Variants in SLIT3 observed in about 807,000 individuals in gnomAD.
The protein encoded by SLIT3 is slit homolog 3 protein.
SLIT3 carries 68 observed loss-of-function variants against 184.0 expected under a neutral mutation model. The observed-to-expected ratio is 0.37, with a 90% CI of 0.30 to 0.45. The LOEUF (loss-of-function observed/expected upper bound fraction) is 0.45, where lower values mean the gene tolerates loss of function less well. SLIT3 is among the 20% of genes least tolerant of loss of function. The pLI is 1.00. For missense variants in SLIT3, 1,707 were observed against 2,026.0 expected (o/e 0.84, Z 3.02); for synonymous variants, 831 against 828.6 (o/e 1.00, Z -0.05).
chr5:169,094,559 G>C (rs1207080533), intron 4 of SLIT3, among the ~76,000 whole-genome samples: 1 of 152,216 alleles, frequency 6.6e-6, no homozygotes, highest in Non-Finnish European at 1.5e-5. Flanking sequence ...GAGCCCAGGA[G>C]ATGGAGGTTG....
chr5:168,974,252 C>T (rs1754678799), intron 4 of SLIT3, among the ~76,000 whole-genome samples: 1 of 152,204 alleles, frequency 6.6e-6, no homozygotes. Flanking sequence ...CTGCTTCACA[C>T]TCTACTGAAG....
chr5:168,755,389 ATTTCTTTCTTTCTTTC>A (rs139729506), intron 16 of SLIT3, among the ~76,000 whole-genome samples: 1,795 of 133,744 alleles, frequency 0.013, 66 homozygotes, highest in East Asian at 0.031. Context: ...CAGTGCCGCC[ATTTCTTTCTTTCTTTC>A]TTTCTTTCTT....
At chr5:169,010,308 G>A (rs551838075) in intron 4 of SLIT3, among the ~76,000 whole-genome samples, 3 of 152,220 alleles carry the variant, frequency 2.0e-5, no homozygotes, top group Middle Eastern at 3.4e-3. Context: ...GAGTTAACTT[G>A]CTTGGTTGCT....
chr5:168,843,944 G>A (rs1242144961), intron 6 of SLIT3, among the ~76,000 whole-genome samples: 5 of 152,116 alleles, frequency 3.3e-5, no homozygotes, highest in African/African-American at 1.2e-4. Flanking sequence ...TTTTGGGGAA[G>A]GGGCTGTCTC....
At chr5:168,893,932 C>T (rs535367953) in intron 4 of SLIT3, among the ~76,000 whole-genome samples, 1 of 152,114 alleles carries the variant, frequency 6.6e-6, no homozygotes, top group Non-Finnish European at 1.5e-5. Flanking sequence ...GGGGAGTGTG[C>T]TTCTAACATG....
At chr5:169,288,321 T>C (rs1767226218) in intron 1 of SLIT3, among the ~76,000 whole-genome samples, 1 of 151,674 alleles carries the variant, frequency 6.6e-6, no homozygotes, top group Non-Finnish European at 1.5e-5. Context: ...CTTTCTCAGA[T>C]ACAATTGTTC....
intron 30 of SLIT3, 132 bp downstream of exon 30, chr5:168,686,847 A>G: frequency 1.0e-6 from 1 of 994,486 alleles, no homozygotes; most frequent in Non-Finnish European, 1.5e-6. Flanking sequence ...TCAGGGGAAT[A>G]AAGGCATCAC....
intron 16 of SLIT3, among the ~76,000 whole-genome samples, chr5:168,757,446 T>G (rs1383194685): frequency 6.6e-6 from 1 of 152,228 alleles, no homozygotes; most frequent in African/African-American, 2.4e-5. Context: ...TTGTTTTTGT[T>G]TTTTTGAGAC....
chr5:169,300,693 G>A lies in SLIT3; in HGVS notation c.17C>T (p.Ala6Val), dbSNP rs888234156. MAPGW[A>V]GVGAAVRARL... ...GGCGCGCACGGCGGCGCCGACCCCT[G>A]CCCACCCGGGGGCCATGGTGTGCAG... Residue 6 changes from alanine to valine, a missense_variant, in exon 1 of 36, where the codon GCA becomes GTA. Physicochemically the swap from Ala to Val is moderately conservative, Grantham distance 64 (BLOSUM62 0). Transcript: ENST00000519560. The surrounding 1 kb of genome is among the most constrained non-coding windows in gnomAD (Gnocchi z 4.1). 1 of 1,373,000 alleles carries A rather than the reference G, an allele frequency of 7.3e-7. No individual in the cohort carries two copies. The highest frequency in any genetic ancestry group is 1.5e-5 in the African/African-American group (1 of 65,482). 85.1% of individuals were successfully genotyped at this position (1,373,000 alleles called of 1,614,324 possible).
chr5:168,952,305 A>G (rs1762673819), intron 4 of SLIT3, among the ~76,000 whole-genome samples: 1 of 152,156 alleles, frequency 6.6e-6, no homozygotes, highest in Non-Finnish European at 1.5e-5. Flanking sequence ...GTTAAGAAGC[A>G]AGGCCTCGTT....
chr5:168,742,703 A>G (rs1309293756), intron 20 of SLIT3, among the ~76,000 whole-genome samples: 1 of 141,302 alleles, frequency 7.1e-6, no homozygotes, highest in Non-Finnish European at 1.5e-5. Flanking sequence ...CAGCTAGCTT[A>G]TGAAGTGGTA....
chr5:169,004,583 G>A (rs991174899), intron 4 of SLIT3, among the ~76,000 whole-genome samples: 3 of 152,122 alleles, frequency 2.0e-5, no homozygotes, highest in South Asian at 2.1e-4. Context: ...CTGCCTCTGC[G>A]TCTCCCTAGC....
At chr5:169,224,975 C>A (rs1051167059) in intron 3 of SLIT3, among the ~76,000 whole-genome samples, 1 of 152,158 alleles carries the variant, frequency 6.6e-6, no homozygotes, top group African/African-American at 2.4e-5. Flanking sequence ...TGAGCCCCCA[C>A]GTTTGGCCCA....
chr5:169,038,178 A>G lies in SLIT3; in HGVS notation c.414-154842T>C, dbSNP rs150587108. ...AAATGTGTCTAAATGCTTAATGTAAATTTCTTGTCATAGACCAGTAACACA... is the reference window on the plus strand; with the variant it reads ...AAATGTGTCTAAATGCTTAATGTAAGTTTCTTGTCATAGACCAGTAACACA... On this transcript the variant is annotated intron_variant, in intron 4 of 35. Transcript: ENST00000519560. 1.2e-3 allele frequency among the ~76,000 whole-genome samples: 189 copies of G among 152,320 alleles called. 1 individual carries two copies. The highest frequency in any genetic ancestry group is 0.011 in the Admixed American group (166 of 15,300).
chr5:169,073,694 G>A (rs1029758303), intron 4 of SLIT3, among the ~76,000 whole-genome samples: 10 of 151,984 alleles, frequency 6.6e-5, no homozygotes, highest in Admixed American at 1.3e-4. Flanking sequence ...GAGAGCTGGC[G>A]GTTTAAAAGA....
intron 4 of SLIT3, among the ~76,000 whole-genome samples, chr5:169,144,893 C>T (rs571494422): frequency 6.6e-6 from 1 of 152,030 alleles, no homozygotes; most frequent in African/African-American, 2.4e-5. Context: ...CTGCCTGGGA[C>T]GATGCATGCT....
intron 4 of SLIT3, among the ~76,000 whole-genome samples, chr5:169,165,369 T>C (rs1164540852): frequency 6.6e-6 from 1 of 152,206 alleles, no homozygotes; most frequent in East Asian, 1.9e-4. Context: ...TATCCTTCCT[T>C]TCTGCGTATC....
intron 21 of SLIT3, 92 bp from the exon 22 acceptor site, chr5:168,723,096 C>T (rs1290345402): frequency 1.2e-6 from 1 of 840,352 alleles, no homozygotes; most frequent in East Asian, 2.4e-5. Flanking sequence ...GCCATCCACC[C>T]ACTCATCTAC....
intron 4 of SLIT3, among the ~76,000 whole-genome samples, chr5:169,053,352 T>A (rs948878994): frequency 6.6e-6 from 1 of 152,258 alleles, no homozygotes; most frequent in Non-Finnish European, 1.5e-5. Context: ...TTTCTGCTTC[T>A]GGTCTAAACT....
Sources: allele counts gnomAD v4.1 joint callset (sites outside exome capture counted in the v4.1 genomes callset), GRCh38; gene constraint gnomAD v4.1.1; non-coding constraint Gnocchi (gnomAD v3.1); transcripts MANE v1.5; gene names NCBI Gene and HGNC (gene_info 2026-07-23, HGNC 2026-07-21).